Variants in SPATA17 observed in about 807,000 individuals in gnomAD.
The protein encoded by SPATA17 is spermatogenesis-associated protein 17.
Under a neutral mutation model 62.2 loss-of-function variants are expected in SPATA17, and 53 were observed. That is an observed-to-expected ratio of 0.85 (90% CI 0.68 to 1.07). The LOEUF is 1.07. SPATA17 is among the 50% of genes least tolerant of loss of function. The pLI is 0.00. For synonymous variants in SPATA17, 146 were observed against 146.8 expected, an observed-to-expected ratio of 0.99 and a Z score of 0.04; for missense variants, 466 against 425.5, an observed-to-expected ratio of 1.10 and a Z score of -0.84.
At position 217,721,630 on chromosome 1, in the gene SPATA17, G is replaced by A. The variant is rs372561993; in HGVS notation, c.396-20345G>A. ...GGTTGTTTATATTTTTGCCATAGCC[G>A]TTCTCATGATTCAATCCTTGGCTCT... On this transcript the variant is annotated intron_variant, in intron 5 of 10. Transcript: ENST00000366933. Among the ~76,000 whole-genome samples, 22 of 152,164 alleles carry A rather than the reference G, an allele frequency of 1.4e-4. No homozygotes were observed. In the South Asian group the frequency reaches 2.3e-3, roughly 16 times the overall value.
At chr1:217,817,066 T>C (rs1674735773) in intron 9 of SPATA17, among the ~76,000 whole-genome samples, 2 of 152,086 alleles carry the variant, frequency 1.3e-5, no homozygotes, top group South Asian at 4.1e-4. Flanking sequence ...TGAGTACTTT[T>C]TAGTAAATAT....
At chr1:217,698,033 C>T (rs760562203) in intron 5 of SPATA17, among the ~76,000 whole-genome samples, 2 of 152,062 alleles carry the variant, frequency 1.3e-5, no homozygotes, top group African/African-American at 2.4e-5. Flanking sequence ...TGGTGGCTCA[C>T]GCCTGTAATC....
At chr1:217,863,908 A>G (rs1675948424) in intron 10 of SPATA17, among the ~76,000 whole-genome samples, 1 of 152,126 alleles carries the variant, frequency 6.6e-6, no homozygotes, top group African/African-American at 2.4e-5. Context: ...ACCAAGAACC[A>G]AGGAGAAAGC....
At chr1:217,661,744 G>A (rs1670575451) in intron 3 of SPATA17, among the ~76,000 whole-genome samples, 1 of 152,136 alleles carries the variant, frequency 6.6e-6, no homozygotes, top group African/African-American at 2.4e-5. Context: ...TATTGAGGAT[G>A]TGCTCTGATT....
intron 5 of SPATA17, among the ~76,000 whole-genome samples, chr1:217,726,997 C>A (rs938244549): frequency 1.3e-5 from 2 of 151,912 alleles, no homozygotes; most frequent in Admixed American, 6.6e-5. Context: ...CCTGTAATCC[C>A]AGCACTTTGG....
chr1:217,684,339 TTAA>T (rs1318367337), intron 5 of SPATA17, among the ~76,000 whole-genome samples: 3 of 152,220 alleles, frequency 2.0e-5, no homozygotes, highest in Non-Finnish European at 4.4e-5. Flanking sequence ...GAAATACTAA[TTAA>T]TAATAGTTGG....
intron 9 of SPATA17, among the ~76,000 whole-genome samples, chr1:217,851,999 C>T (rs1675677739): frequency 1.3e-5 from 2 of 152,124 alleles, no homozygotes; most frequent in Admixed American, 6.6e-5. Context: ...GCAACGGCCT[C>T]CCCTCCAGCT....
chr1:217,802,760 A>G (rs984416093), intron 9 of SPATA17, among the ~76,000 whole-genome samples: 2 of 152,170 alleles, frequency 1.3e-5, no homozygotes, highest in African/African-American at 4.8e-5. Context: ...AATTCAGTTC[A>G]TAGCCTTCCA....
intron 5 of SPATA17, among the ~76,000 whole-genome samples, chr1:217,699,614 C>T (rs1166775633): frequency 6.6e-6 from 1 of 151,926 alleles, no homozygotes; most frequent in Non-Finnish European, 1.5e-5. Context: ...ATATTTTTGT[C>T]AAATATGTGG....
At chr1:217,786,632 T>C (rs1673869398) in intron 8 of SPATA17, among the ~76,000 whole-genome samples, 1 of 152,132 alleles carries the variant, frequency 6.6e-6, no homozygotes, top group Non-Finnish European at 1.5e-5. Context: ...TAAATTTGAT[T>C]GTGAGACAAA....
chr1:217,669,688 T>C (rs549806986), intron 4 of SPATA17, among the ~76,000 whole-genome samples: 2 of 152,288 alleles, frequency 1.3e-5, no homozygotes, highest in South Asian at 2.1e-4. Context: ...CTATTATAAA[T>C]GGAGAAATTT....
chr1:217,851,735 G>GA (rs1675670736), intron 9 of SPATA17, among the ~76,000 whole-genome samples: 1 of 152,110 alleles, frequency 6.6e-6, no homozygotes, highest in Admixed American at 6.6e-5. Flanking sequence ...CTAATAAGTA[G>GA]AAAACACTGT....
chr1:217,644,017 G>T (rs868233697), intron 1 of SPATA17, among the ~76,000 whole-genome samples: 1 of 152,082 alleles, frequency 6.6e-6, no homozygotes, highest in African/African-American at 2.4e-5. Context: ...GTGAGCCACC[G>T]CACACAGCTA....
chr1:217,735,914 C>A (rs1672501296), intron 5 of SPATA17, among the ~76,000 whole-genome samples: 2 of 151,384 alleles, frequency 1.3e-5, no homozygotes, highest in African/African-American at 4.8e-5. Context: ...ATAATTGAGT[C>A]ATTTATATGT....
intron 9 of SPATA17, among the ~76,000 whole-genome samples, chr1:217,815,610 G>A (rs1248242668): frequency 2.6e-5 from 4 of 152,194 alleles, no homozygotes; most frequent in Non-Finnish European, 5.9e-5. Context: ...TCTAGGTGAC[G>A]TTGTGAAGGT....
At chr1:217,703,593 GTTATT>G (rs1235644258) in intron 5 of SPATA17, among the ~76,000 whole-genome samples, 1 of 152,114 alleles carries the variant, frequency 6.6e-6, no homozygotes, top group East Asian at 1.9e-4. Flanking sequence ...GTAATGTCAT[GTTATT>G]TTATCACAAT....
intron 7 of SPATA17, 143 bp downstream of exon 7, chr1:217,774,680 G>T: frequency 1.5e-6 from 1 of 677,504 alleles, no homozygotes; most frequent in Non-Finnish European, 2.4e-6. Flanking sequence ...TGTGCAATCA[G>T]CTGTCGCTAG....
chr1:217,842,493 T>G (rs1215200802), intron 9 of SPATA17, among the ~76,000 whole-genome samples: 1 of 151,978 alleles, frequency 6.6e-6, no homozygotes, highest in Non-Finnish European at 1.5e-5. Context: ...CAATTCAGAT[T>G]TCTATTTCTT....
intron 5 of SPATA17, among the ~76,000 whole-genome samples, chr1:217,710,413 G>A (rs1671832692): frequency 6.6e-6 from 1 of 152,004 alleles, no homozygotes; most frequent in Non-Finnish European, 1.5e-5. Flanking sequence ...AACAACTCTT[G>A]ACAGAAACTT....
Sources: allele counts gnomAD v4.1 joint callset (sites outside exome capture counted in the v4.1 genomes callset), GRCh38; gene constraint gnomAD v4.1.1; transcripts MANE v1.5; gene names NCBI Gene and HGNC (gene_info 2026-07-23, HGNC 2026-07-21).